Variants in ZMYM5 observed in about 807,000 individuals in gnomAD.
ZMYM5 encodes zinc finger MYM-type protein 5.
In ZMYM5, 41 loss-of-function variants were observed where a neutral mutation model predicts 61.8. The observed-to-expected ratio is 0.66, with a 90% CI of 0.52 to 0.86. The LOEUF is 0.86. Among genes scored for constraint, ZMYM5 ranks in the 40% least tolerant of loss-of-function variants. The pLI is 0.00. For synonymous variants in ZMYM5, 257 were observed against 276.4 expected, an observed-to-expected ratio of 0.93 and a Z score of 0.70; for missense variants, 706 against 786.7, an observed-to-expected ratio of 0.90 and a Z score of 1.23.
In ZMYM5 at chr13:19,825,071, T is replaced by C; in HGVS notation, c.1416A>G (p.Ser472=). ...GTAATGTATCCGTGCCACATTCTAC[T>C]GAAAGCTGTAGCTGTGAAGTCTTTT... is the stretch of plus-strand genomic sequence containing the variant. ...KKEKTSQLQL[S]VECGTDTLLI... The change falls in exon 8 of 8, where the codon TCA becomes TCG. Residue 472 remains serine (S), a synonymous_variant. Transcript: ENST00000337963. 1.5e-6 allele frequency: 2 copies of C among 1,367,678 alleles called. No individual in the cohort carries two copies. The highest frequency in any genetic ancestry group is 1.9e-5 in the Admixed American group (1 of 52,574). The allele number at this position is 1,367,678 out of a possible 1,614,324, so 84.7% of individuals were successfully genotyped here.
At chr13:19,840,677 T>TC (rs1330303150) in intron 4 of ZMYM5, among the ~76,000 whole-genome samples, 1 of 150,378 alleles carries the variant, frequency 6.6e-6, no homozygotes, top group East Asian at 2.0e-4. Flanking sequence ...CCTGGCCACT[T>TC]TTTTTTTTTA....
chr13:19,834,962 A>C (rs1212842605), intron 7 of ZMYM5, among the ~76,000 whole-genome samples: 2 of 150,816 alleles, frequency 1.3e-5, no homozygotes, highest in Non-Finnish European at 2.9e-5. Flanking sequence ...TGGGATTACA[A>C]GTGTTAGCCA....
chr13:19,829,266 A>AT (rs1345048908), intron 7 of ZMYM5, among the ~76,000 whole-genome samples: 1 of 152,014 alleles, frequency 6.6e-6, no homozygotes, highest in African/African-American at 2.4e-5. Flanking sequence ...AAATAAAACA[A>AT]TTTTTTAAAT....
chr13:19,834,875 CAG>C (rs1311177022), intron 7 of ZMYM5, among the ~76,000 whole-genome samples: 1 of 151,786 alleles, frequency 6.6e-6, no homozygotes, highest in African/African-American at 2.4e-5. Flanking sequence ...TTTTAGTAGA[CAG>C]GGGGTTTTGT....
Position 19,824,463 on chromosome 13 carries a change from A to C in ZMYM5, c.*14T>G, listed in dbSNP as rs1450967295. 7.8e-7 allele frequency: 1 copy of C among 1,276,622 alleles called. No homozygotes were observed. Among genetic ancestry groups the C allele is most frequent in the Non-Finnish European group, 1.0e-6 (1 of 985,336 alleles). 79.1% of individuals were successfully genotyped at this position (1,276,622 alleles called of 1,614,324 possible). On this transcript the variant is annotated 3_prime_UTR_variant, in exon 8 of 8. Coordinates refer to ENST00000337963, the MANE Select transcript of ZMYM5 (RefSeq NM_001142684.2). ...AAGATTCTGATCATCATGCCAAAAA[A>C]CAACTCAGGTATATTACGTGTACAA...
At chr13:19,842,006 G>A (rs1451564890) in intron 4 of ZMYM5, 2 of 152,230 alleles carry the variant, frequency 1.3e-5, no homozygotes, top group African/African-American at 4.8e-5. Flanking sequence ...TAGTAGAGAT[G>A]GGGTTTCACC....
At position 19,852,048 on chromosome 13, in the gene ZMYM5, T is replaced by C. The variant is rs1953326650; in HGVS notation, c.133A>G (p.Arg45Gly). 5.6e-6 allele frequency: 9 copies of C among 1,614,008 alleles called. No individual in the cohort carries two copies. Among genetic ancestry groups the C allele is most frequent in the Non-Finnish European group, 7.6e-6 (9 of 1,180,020 alleles). The change falls in exon 3 of 8, where the codon AGA (arginine) becomes GGA (glycine). Residue 45 changes from arginine to glycine, a missense_variant. Arg to Gly is a moderately radical substitution (Grantham distance 125). This residue lies in a region of ZMYM5 where 480 missense variants were observed against 461.7 expected (regional missense o/e 1.04). Coordinates refer to ENST00000337963, the MANE Select transcript of ZMYM5 (RefSeq NM_001142684.2). ...FGHPACPLVS[R>G]SRNSPVEDDD... Reference sequence around the variant, plus strand: ...TCTTCCACTGGTGAGTTCCTAGATCTACTGACTAAAGGACAAGCTGGATGA... The same window carrying C: ...TCTTCCACTGGTGAGTTCCTAGATCCACTGACTAAAGGACAAGCTGGATGA...
At chr13:19,848,573 G>A (rs906493879) in intron 4 of ZMYM5, among the ~76,000 whole-genome samples, 4 of 150,092 alleles carry the variant, frequency 2.7e-5, no homozygotes, top group Admixed American at 1.3e-4. Context: ...TCACTTTGTC[G>A]CCCAGGCTGG....
chr13:19,825,010 T>G lies in ZMYM5; in HGVS notation c.1477A>C (p.Thr493Pro). 7.3e-7 allele frequency: 1 copy of G among 1,367,590 alleles called. No individual in the cohort carries two copies. The highest frequency in any genetic ancestry group is 9.8e-7 in the Non-Finnish European group (1 of 1,021,832). 84.7% of individuals were successfully genotyped at this position (1,367,590 alleles called of 1,614,324 possible). The change falls in exon 8 of 8, where the codon ACG (threonine) becomes CCG (proline). Residue 493 changes from threonine (T) to proline (P), a missense_variant. Around this residue, in one of 2 missense-constraint regions of ZMYM5, gnomAD observed 226 missense variants for 325.0 expected, o/e 0.70. Coordinates refer to ENST00000337963, the MANE Select transcript of ZMYM5 (RefSeq NM_001142684.2). ...QENVNLPPSS[T>P]STIADTFQEQ... ...TGAAATGTATCAGCTATGGTTGACGTGGAAGAAGGAGGTAAATTCACATTC... is the reference window on the plus strand; with the variant it reads ...TGAAATGTATCAGCTATGGTTGACGGGGAAGAAGGAGGTAAATTCACATTC...
rs1185220794 is a variant in ZMYM5, at chr13:19,824,607, A to T, written c.1880T>A (p.Met627Lys). The change falls in exon 8 of 8, where the codon ATG becomes AAG. Residue 627 changes from methionine to lysine, a missense_variant. Met to Lys is a moderately conservative substitution (Grantham distance 95). Transcript: ENST00000337963. Reference protein sequence around the residue: ...HILSKHEESEMHVNNSVKYSK... With the variant: ...HILSKHEESEKHVNNSVKYSK... Reference sequence around the variant, plus strand: ...GTACTTAACACTATTGTTGACGTGCATTTCACTTTCTTCATGTTTACTAAG... The same window carrying T: ...GTACTTAACACTATTGTTGACGTGCTTTTCACTTTCTTCATGTTTACTAAG... 4 of 1,313,426 alleles carry T rather than the reference A, an allele frequency of 3.0e-6. No homozygotes were observed. The highest frequency in any genetic ancestry group is 1.5e-5 in the African/African-American group (1 of 66,802). The allele number at this position is 1,313,426 out of a possible 1,614,324, so 81.4% of individuals were successfully genotyped here. A position where few individuals can be genotyped will look rare whatever the true frequency, so the allele number is the denominator to read the frequency against.
chr13:19,849,658 C>G (rs66500642), intron 4 of ZMYM5, among the ~76,000 whole-genome samples: 15 of 151,822 alleles, frequency 9.9e-5, no homozygotes. Context: ...TATTTCGTAA[C>G]CAGAAGATAA....
intron 2 of ZMYM5, among the ~76,000 whole-genome samples, chr13:19,855,345 C>G (rs931857274): frequency 6.6e-6 from 1 of 151,944 alleles, no homozygotes; most frequent in East Asian, 1.9e-4. Context: ...TTACTGCAAG[C>G]TCCGCCTGCC....
chr13:19,825,382 T>C, intron 7 of ZMYM5, 147 bp from the exon 8 acceptor site: 2 of 774,498 alleles, frequency 2.6e-6, no homozygotes, highest in Non-Finnish European at 3.5e-6. Flanking sequence ...CGGTGGTTCA[T>C]GCCTGTAATC....
Position 19,838,889 on chromosome 13 carries a change from A to C in ZMYM5, c.683T>G (p.Phe228Cys), listed in dbSNP as rs1952764879. ...SPVALLRKQN[F>C]QPTAQQQLTK... ...AAGTTGTTGTTGGGCTGTAGGCTGGAAATTCTGCTTACGAAGTAAGGCCAC... is the reference window on the plus strand; with the variant it reads ...AAGTTGTTGTTGGGCTGTAGGCTGGCAATTCTGCTTACGAAGTAAGGCCAC... The change falls in exon 5 of 8, where the codon TTC (phenylalanine) becomes TGC (cysteine). Residue 228 changes from phenylalanine (F) to cysteine (C), a missense_variant. Transcript: ENST00000337963. 4 of 1,614,012 alleles carry C rather than the reference A, an allele frequency of 2.5e-6. No homozygotes were observed. Among genetic ancestry groups the C allele is most frequent in the African/African-American group, 1.3e-5 (1 of 74,912 alleles).
chr13:19,830,245 C>T (rs929948240), intron 7 of ZMYM5, among the ~76,000 whole-genome samples: 5 of 152,106 alleles, frequency 3.3e-5, no homozygotes, highest in Admixed American at 6.6e-5. Flanking sequence ...TATGTGTTGG[C>T]CTTTTCAGAA....
In ZMYM5 at chr13:19,846,285, A is replaced by C. The variant is rs570325062; in HGVS notation, c.586+5070T>G. 5.3e-5 allele frequency among the ~76,000 whole-genome samples: 8 copies of C among 152,346 alleles called. No homozygotes were observed. In the East Asian group the frequency reaches 1.5e-3, roughly 29 times the overall value. On this transcript the variant is annotated intron_variant, in intron 4 of 7. Transcript: ENST00000337963. ...CATACCAAAGTACAAAGGTTATCTTACTGAAAAGCAGAAAAGTGCTTGCAC... is the reference window on the plus strand; with the variant it reads ...CATACCAAAGTACAAAGGTTATCTTCCTGAAAAGCAGAAAAGTGCTTGCAC...
intron 7 of ZMYM5, among the ~76,000 whole-genome samples, chr13:19,830,974 G>C (rs916165764): frequency 6.6e-6 from 1 of 151,452 alleles, no homozygotes; most frequent in Admixed American, 6.6e-5. Flanking sequence ...AGGGTAGTTG[G>C]GACTACAGGT....
intron 6 of ZMYM5, among the ~76,000 whole-genome samples, chr13:19,837,051 A>C (rs1473159746): frequency 6.9e-6 from 1 of 145,150 alleles, no homozygotes; most frequent in Non-Finnish European, 1.5e-5. Flanking sequence ...TCTTTTTTTG[A>C]GACAGAGTCT....
At chr13:19,862,377 TA>T (rs111844342) in intron 2 of ZMYM5, 21 bp downstream of exon 2, 1,948 of 138,720 alleles carry the variant, frequency 0.014, 35 homozygotes, top group African/African-American at 0.044. Flanking sequence ...CAAAGCGGGG[TA>T]AAAAAAAAAA....
Sources: allele counts gnomAD v4.1 joint callset (sites outside exome capture counted in the v4.1 genomes callset), GRCh38; gene constraint gnomAD v4.1.1; regional missense constraint gnomAD v4.1.1; transcripts MANE v1.5; gene names NCBI Gene and HGNC (gene_info 2026-07-23, HGNC 2026-07-21).